The following FIBCD1 variants were observed in gnomAD, a reference collection of about 807,000 sequenced individuals.
FIBCD1 encodes fibrinogen C domain-containing protein 1.
FIBCD1 carries 47 observed loss-of-function variants against 45.1 expected under a neutral mutation model. That is an observed-to-expected ratio of 1.04 (90% confidence interval 0.82 to 1.33). The LOEUF is 1.33. Ranked by LOEUF, FIBCD1 falls within the 40% of genes most tolerant of loss-of-function variation. FIBCD1 has a pLI of 0.00. For synonymous variants in FIBCD1, 313 were observed against 308.1 expected (o/e 1.02, Z -0.17); for missense variants, 653 against 682.2 (o/e 0.96, Z 0.48).
intron 2 of FIBCD1, among the ~76,000 whole-genome samples, chr9:130,927,920 C>T (rs1203032239): frequency 3.3e-5 from 5 of 152,228 alleles, no homozygotes; most frequent in Non-Finnish European, 7.3e-5. Context: ...CTCGGCTTCC[C>T]AAAGTGCTGG....
chr9:130,907,628 G>A (rs566227689), intron 5 of FIBCD1, among the ~76,000 whole-genome samples: 3 of 152,310 alleles, frequency 2.0e-5, no homozygotes, highest in Non-Finnish European at 2.9e-5. Flanking sequence ...GCCTGGGCGC[G>A]GTGGCTTACG....
At chr9:130,928,316 G>C (rs549504846) in intron 2 of FIBCD1, among the ~76,000 whole-genome samples, 1 of 152,214 alleles carries the variant, frequency 6.6e-6, no homozygotes, top group African/African-American at 2.4e-5. Flanking sequence ...CCCCACCCCA[G>C]CTCTAAGGGT....
In FIBCD1 at chr9:130,929,757, T is replaced by C; in HGVS notation, c.362A>G (p.Glu121Gly). 6.4e-7 allele frequency: 1 copy of C among 1,563,294 alleles called. No homozygotes were observed. Among genetic ancestry groups the C allele is most frequent in the Non-Finnish European group, 8.7e-7 (1 of 1,154,114 alleles). The part of the protein sequence containing the change: ...AQASVLQALT[E>G]HQAQPRLVGD... Reference sequence around the variant, plus strand: ...CACCAGCCGTGGCTGGGCCTGGTGCTCTGTCAGCGCCTGCAGCACCGAGGC... The same window carrying C: ...CACCAGCCGTGGCTGGGCCTGGTGCCCTGTCAGCGCCTGCAGCACCGAGGC... Residue 121 changes from glutamate to glycine, a missense_variant, in exon 2 of 7, where the codon GAG becomes GGG. Transcript: ENST00000372338.
rs936006009 is a variant in FIBCD1, at chr9:130,923,986, G to A, written c.713-106C>T. The A allele has an allele frequency of 3.2e-6, 5 of 1,539,540 alleles. No homozygotes were observed. The East Asian group carries it at 9.2e-5, about 28-fold the overall frequency. On this transcript the variant is annotated intron_variant, in intron 3 of 6. Coordinates refer to ENST00000372338, the MANE Select transcript of FIBCD1 (RefSeq NM_032843.5). ...GATAATGCATGTGGGGTCCCATGGG[G>A]TTGAGAGAGCACTGGCCTTGGAGTC... is the stretch of plus-strand genomic sequence containing the variant.
chr9:130,929,213 C>T (rs995939223), intron 2 of FIBCD1, among the ~76,000 whole-genome samples: 1 of 152,132 alleles, frequency 6.6e-6, no homozygotes, highest in Non-Finnish European at 1.5e-5. Context: ...CTCTGAGCCT[C>T]GATTTGCTCC....
At chr9:130,911,296 C>T (rs10122497) in intron 5 of FIBCD1, among the ~76,000 whole-genome samples, 24,610 of 149,240 alleles carry the variant, frequency 0.16, 3,836 homozygotes, top group African/African-American at 0.42. Context: ...ACACTCACCA[C>T]GAGGGTCTGC....
Position 130,905,348 on chromosome 9 carries a change from A to G in FIBCD1, c.1012T>C (p.Phe338Leu). 6.2e-7 allele frequency: 1 copy of G among 1,614,088 alleles called. No individual in the cohort carries two copies. Among genetic ancestry groups the G allele is most frequent in the South Asian group, 1.1e-5 (1 of 91,054 alleles). Residue 338 changes from phenylalanine to leucine, a missense_variant, in exon 6 of 7, where the codon TTT (phenylalanine) becomes CTT (leucine). Transcript: ENST00000372338. ...CGGGCATAGGCCGTGCCATTCTCAA[A>G]GTCCTCCAGGTCCACGTGCAGCTCG... The part of the protein sequence containing the change: ...AYELHVDLED[F>L]ENGTAYARYG...
At chr9:130,939,848 C>T (rs1832590159), upstream of FIBCD1, among the ~76,000 whole-genome samples, 1 of 152,084 alleles carries the variant, frequency 6.6e-6, no homozygotes, top group Non-Finnish European at 1.5e-5. Context: ...TTAATCTGCG[C>T]GGCGAACGAG....
chr9:130,928,709 C>G (rs1235457953), intron 2 of FIBCD1, among the ~76,000 whole-genome samples: 1 of 151,980 alleles, frequency 6.6e-6, no homozygotes. Flanking sequence ...TGGCTCCTAG[C>G]CTCCAGGGAT....
chr9:130,924,005 T>C, intron 3 of FIBCD1, 125 bp from the exon 4 acceptor site: 3 of 1,457,578 alleles, frequency 2.1e-6, no homozygotes, highest in Non-Finnish European at 2.8e-6. Flanking sequence ...GCACTGGCCT[T>C]GGAGTCCGAC....
At chr9:130,936,622 A>C (rs1001967342) in intron 1 of FIBCD1, among the ~76,000 whole-genome samples, 2 of 152,256 alleles carry the variant, frequency 1.3e-5, no homozygotes, top group Admixed American at 6.5e-5. Flanking sequence ...ATTCCCCAGA[A>C]GGCACCTCCC....
chr9:130,938,721 C>G lies in FIBCD1; in HGVS notation c.-114G>C. 1 of 501,100 alleles carries G rather than the reference C, an allele frequency of 2.0e-6. No individual in the cohort carries two copies. The highest frequency in any genetic ancestry group is 2.7e-6 in the Non-Finnish European group (1 of 368,352). The allele number at this position is 501,100 out of a possible 1,614,324, so 31.0% of individuals were successfully genotyped here. The stretch of plus-strand genomic sequence containing the variant: ...CGCGCTCTGTCCGCCGGGTCCCCGC[C>G]TCTGTGCCCCGCGCCGGGGCGGCCC... On this transcript the variant is annotated 5_prime_UTR_variant, in exon 1 of 7. Coordinates refer to ENST00000372338, the MANE Select transcript of FIBCD1 (RefSeq NM_032843.5).
At chr9:130,904,353 C>G (rs775132966) in intron 6 of FIBCD1, 30 bp from the exon 7 acceptor site, 9 of 1,571,036 alleles carry the variant, frequency 5.7e-6, no homozygotes, top group Non-Finnish European at 7.8e-6. Context: ...GGTGTGGGCA[C>G]GGGGGGCACG....
At chr9:130,929,502 C>T in intron 2 of FIBCD1, 65 bp downstream of exon 2, 5 of 1,473,380 alleles carry the variant, frequency 3.4e-6, no homozygotes, top group Non-Finnish European at 4.5e-6. Context: ...GCGCCTGGCA[C>T]ATGGCAGCAG....
chr9:130,904,150 C>T lies in FIBCD1; in HGVS notation c.1300G>A (p.Gly434Ser), dbSNP rs952429857. 4 of 1,613,456 alleles carry T rather than the reference C, an allele frequency of 2.5e-6. No individual in the cohort carries two copies. The highest frequency in any genetic ancestry group is 1.7e-5 in the Admixed American group (1 of 60,016). The change falls in exon 7 of 7, where the codon GGC (glycine) becomes AGC (serine). Residue 434 changes from glycine to serine, a missense_variant. Coordinates refer to ENST00000372338, the MANE Select transcript of FIBCD1 (RefSeq NM_032843.5). Reference protein sequence around the residue: ...LRGAHASYADGVEWSSWTGWQ... With the variant: ...LRGAHASYADSVEWSSWTGWQ... The stretch of plus-strand genomic sequence containing the variant: ...CCGGTCCAGGAGGACCACTCCACGC[C>T]GTCGGCATAGGAGGCGTGCGCACCG...
Position 130,923,870 on chromosome 9 carries a change from G to T in FIBCD1, c.723C>A (p.Pro241=). Residue 241 remains proline, a synonymous_variant, in exon 4 of 7, where the codon CCC becomes CCA. Coordinates refer to ENST00000372338, the MANE Select transcript of FIBCD1 (RefSeq NM_032843.5). The part of the protein sequence containing the change: ...RPRGCATGSR[P]RDCLDVLLSG... ...TTAGGAGGACGTCCAGACAGTCTCG[G>T]GGCCGGGAGCCTGAGGGAGGCAAGG... The T allele has an allele frequency of 6.2e-7, 1 of 1,612,512 alleles. No homozygotes were observed.
At chr9:130,904,775 GGC>G (rs1402279544) in intron 6 of FIBCD1, among the ~76,000 whole-genome samples, 1 of 152,242 alleles carries the variant, frequency 6.6e-6, no homozygotes. Flanking sequence ...AGGCTCTGCT[GGC>G]TTCGCCTTGC....
At chr9:130,911,733 G>T in intron 5 of FIBCD1, 59 bp downstream of exon 5, 2 of 1,481,006 alleles carry the variant, frequency 1.4e-6, no homozygotes, top group Non-Finnish European at 9.2e-7. Flanking sequence ...GGACCCAACT[G>T]TGTCCGGAAG....
At chr9:130,928,508 G>C (rs373253356) in intron 2 of FIBCD1, among the ~76,000 whole-genome samples, 1 of 152,274 alleles carries the variant, frequency 6.6e-6, no homozygotes. Context: ...TACCCCGGGA[G>C]GGGGAAGCCA....
Sources: gnomAD v4.1 joint callset for allele counts (sites outside exome capture counted in the v4.1 genomes callset) on GRCh38, gnomAD v4.1.1 for gene constraint, MANE v1.5 for transcripts, NCBI Gene and HGNC (gene_info 2026-07-23, HGNC 2026-07-21) for gene names.